The following KITLG variants were observed in gnomAD, a reference collection of about 807,000 sequenced individuals.
KITLG encodes KIT ligand, also known as c-Kit ligand.
A neutral mutation model predicts 34.1 loss-of-function variants in KITLG; 13 were observed. That is an observed-to-expected ratio of 0.38 (90% confidence interval 0.25 to 0.61). The LOEUF is 0.61. KITLG is among the 20% of genes least tolerant of loss of function. The pLI, the probability that KITLG is intolerant of heterozygous loss-of-function variation, is 0.60. For synonymous variants in KITLG, 110 were observed against 104.0 expected (o/e 1.06, Z -0.35); for missense variants, 292 against 318.9 (o/e 0.92, Z 0.64).
At chr12:88,547,861 A>G (rs192961532) in intron 1 of KITLG, among the ~76,000 whole-genome samples, 1 of 152,352 alleles carries the variant, frequency 6.6e-6, no homozygotes, top group East Asian at 1.9e-4. Context: ...TTTATTGAGT[A>G]TCTGGTGTAT....
chr12:88,579,725 C>A (rs1011823624), intron 1 of KITLG, among the ~76,000 whole-genome samples: 2 of 152,030 alleles, frequency 1.3e-5, no homozygotes, highest in Admixed American at 6.5e-5. Flanking sequence ...CAGGTTCCCG[C>A]CCCGCCGAGA....
At position 88,507,115 on chromosome 12, in the gene KITLG, T is replaced by C. The variant is rs763127858; in HGVS notation, c.627A>G (p.Gly209=). 2.5e-6 allele frequency: 4 copies of C among 1,612,596 alleles called. No homozygotes were observed. The highest frequency in any genetic ancestry group is 3.4e-6 in the Non-Finnish European group (4 of 1,178,642). ...TGGCTGCCCAGTGTAGGCTGGAGTCTCCAGGGGGATTTTTGGCCTTCCCTA... is the reference window on the plus strand; with the variant it reads ...TGGCTGCCCAGTGTAGGCTGGAGTCCCCAGGGGGATTTTTGGCCTTCCCTA... ...SSNRKAKNPP[G]DSSLHWAAMA... is the part of the protein sequence containing the mutation. The change falls in exon 7 of 10, where the codon GGA becomes GGG. Residue 209 remains glycine, a synonymous_variant. Coordinates refer to ENST00000644744, the MANE Select transcript of KITLG (RefSeq NM_000899.5).
At chr12:88,536,942 C>T (rs1301289013) in intron 2 of KITLG, among the ~76,000 whole-genome samples, 2 of 152,012 alleles carry the variant, frequency 1.3e-5, no homozygotes, top group Non-Finnish European at 2.9e-5. Context: ...ATGTAACAAA[C>T]TGCACGTTCT....
At chr12:88,536,257 A>G (rs1870312963) in intron 2 of KITLG, among the ~76,000 whole-genome samples, 1 of 152,208 alleles carries the variant, frequency 6.6e-6, no homozygotes, top group South Asian at 2.1e-4. Flanking sequence ...GACATTTCTC[A>G]AAAGAAGATA....
At chr12:88,525,956 C>A (rs1869847318) in intron 3 of KITLG, among the ~76,000 whole-genome samples, 1 of 152,166 alleles carries the variant, frequency 6.6e-6, no homozygotes, top group East Asian at 1.9e-4. Flanking sequence ...GGGTTAAGCC[C>A]CAAGATATTG....
At chr12:88,538,450 G>A (rs1870406976) in intron 2 of KITLG, among the ~76,000 whole-genome samples, 1 of 151,640 alleles carries the variant, frequency 6.6e-6, no homozygotes, top group Non-Finnish European at 1.5e-5. Flanking sequence ...TATAAATTCA[G>A]TCTGGTTTGA....
intron 1 of KITLG, among the ~76,000 whole-genome samples, chr12:88,549,632 G>C (rs976813868): frequency 1.3e-5 from 2 of 152,114 alleles, no homozygotes; most frequent in African/African-American, 2.4e-5. Flanking sequence ...GTTAAATTTT[G>C]AGTATGTTAA....
At chr12:88,526,809 C>T (rs923143167) in intron 3 of KITLG, among the ~76,000 whole-genome samples, 3 of 148,416 alleles carry the variant, frequency 2.0e-5, no homozygotes, top group East Asian at 2.0e-4. Flanking sequence ...GAACTGGTAA[C>T]GATAACGATA....
In KITLG at chr12:88,517,009, A is replaced by C. The variant is rs148673170; in HGVS notation, c.364-519T>G. Among the ~76,000 whole-genome samples the C allele has an allele frequency of 6.9e-3, 1,055 of 151,898 alleles. 11 individuals are homozygous for C. The highest frequency in any genetic ancestry group is 0.024 in the African/African-American group (1,011 of 41,538). On this transcript the variant is annotated intron_variant, in intron 4 of 9. Coordinates refer to ENST00000644744, the MANE Select transcript of KITLG (RefSeq NM_000899.5). Reference sequence around the variant, plus strand: ...TAGACATGTGACCATCCTGTGACTCAGAAATTCCATTCTCAGGTAAATAAC... The same window carrying C: ...TAGACATGTGACCATCCTGTGACTCCGAAATTCCATTCTCAGGTAAATAAC...
intron 4 of KITLG, among the ~76,000 whole-genome samples, chr12:88,517,060 C>T (rs559180698): frequency 6.6e-6 from 1 of 151,894 alleles, no homozygotes; most frequent in Non-Finnish European, 1.5e-5. Flanking sequence ...CACATATATA[C>T]CATCAGACAT....
chr12:88,570,278 G>A (rs779529984), intron 1 of KITLG, among the ~76,000 whole-genome samples: 3 of 152,114 alleles, frequency 2.0e-5, no homozygotes, highest in Non-Finnish European at 4.4e-5. Context: ...ACAGTCAGAT[G>A]AGTCAGGCAA....
chr12:88,522,489 G>A (rs1010628747), intron 3 of KITLG, among the ~76,000 whole-genome samples: 5 of 148,610 alleles, frequency 3.4e-5, no homozygotes, highest in South Asian at 2.1e-4. Context: ...GTGCAATGGC[G>A]TGGTCTCAGC....
chr12:88,497,970 C>T (rs1016163469), intron 9 of KITLG, among the ~76,000 whole-genome samples: 1 of 152,168 alleles, frequency 6.6e-6, no homozygotes, highest in African/African-American at 2.4e-5. Flanking sequence ...CGTTTGGCCT[C>T]AGCATAGCTT....
rs541971231 is a variant in KITLG at position 88,504,993 on chromosome 12, A to G, written c.*37+166T>C. ...CATGGGGTGGGGGGAGGGGGAAGGGATAGCATTAGGAGATATACCTAATGT... is the reference window on the plus strand; with the variant it reads ...CATGGGGTGGGGGGAGGGGGAAGGGGTAGCATTAGGAGATATACCTAATGT... On this transcript the variant is annotated intron_variant, in intron 9 of 9. Transcript: ENST00000644744. Among the ~76,000 whole-genome samples, 212 of 149,820 alleles carry G rather than the reference A, an allele frequency of 1.4e-3. 8 individuals carry two copies. The South Asian group carries it at 0.045, about 32-fold the overall frequency.
chr12:88,574,643 G>A (rs1384963745), intron 1 of KITLG, among the ~76,000 whole-genome samples: 1 of 152,140 alleles, frequency 6.6e-6, no homozygotes, highest in Non-Finnish European at 1.5e-5. Context: ...TCTCCCCTCA[G>A]TGCTCTTTCT....
Position 88,532,468 on chromosome 12 carries a change from G to C in KITLG, c.165C>G (p.Leu55=). The change falls in exon 3 of 10, where the codon CTC becomes CTG. Residue 55 remains leucine, a synonymous_variant. Coordinates refer to ENST00000644744, the MANE Select transcript of KITLG (RefSeq NM_000899.5). ...ANLPKDYMIT[L]KYVPGMDVLP... ...AAACATCCATCCCGGGGACATATTT[G>C]AGGGTTATCATGTAGTCTTTTGGAA... is the stretch of plus-strand genomic sequence containing the variant. 1 of 1,610,764 alleles carries C rather than the reference G, an allele frequency of 6.2e-7. No homozygotes were observed.
At chr12:88,537,534 C>G (rs1870370623) in intron 2 of KITLG, among the ~76,000 whole-genome samples, 2 of 152,066 alleles carry the variant, frequency 1.3e-5, no homozygotes, top group South Asian at 4.2e-4. Flanking sequence ...TGTTCACTAC[C>G]TGGGTGATGG....
At chr12:88,580,118 C>T (rs1387658115) in intron 1 of KITLG, 146 bp downstream of exon 1, 2 of 847,642 alleles carry the variant, frequency 2.4e-6, no homozygotes, top group African/African-American at 1.7e-5. Context: ...CACACCACGC[C>T]GGCCTCCCCC....
At chr12:88,524,401 C>G (rs11104917) in intron 3 of KITLG, among the ~76,000 whole-genome samples, 1 of 152,076 alleles carries the variant, frequency 6.6e-6, no homozygotes, top group Non-Finnish European at 1.5e-5. Flanking sequence ...ATAACTATTT[C>G]TAATGAAAAT....
Sources: gnomAD v4.1 joint callset for allele counts (sites outside exome capture counted in the v4.1 genomes callset) on GRCh38, gnomAD v4.1.1 for gene constraint, MANE v1.5 for transcripts, NCBI Gene and HGNC (gene_info 2026-07-23, HGNC 2026-07-21) for gene names.